SHOC2: variants seen among roughly 807,000 people sequenced by gnomAD.
SHOC2 encodes the protein leucine-rich repeat protein SHOC-2.
Under a neutral mutation model 50.2 loss-of-function variants are expected in SHOC2, and 4 were observed. The ratio of observed to expected loss-of-function variants is 0.08; its 90% CI spans 0.04 to 0.18. The LOEUF (loss-of-function observed/expected upper bound fraction) is 0.18. Among genes scored for constraint, SHOC2 ranks in the 10% least tolerant of loss-of-function variants. The pLI, the probability that SHOC2 is intolerant of heterozygous loss-of-function variation, is 1.00. For synonymous variants in SHOC2, 218 were observed against 244.5 expected, an observed-to-expected ratio of 0.89 and a Z score of 1.01; for missense variants, 388 against 669.6, an observed-to-expected ratio of 0.58 and a Z score of 4.64.
At chr10:110,932,736 G>A (rs371086167) in intron 1 of SHOC2, among the ~76,000 whole-genome samples, 3 of 151,982 alleles carry the variant, frequency 2.0e-5, no homozygotes, top group East Asian at 3.9e-4. Context: ...GCACTTACTC[G>A]ACTTTTTTCT....
chr10:110,981,045 A>C (rs1847967223), intron 2 of SHOC2, among the ~76,000 whole-genome samples: 1 of 152,200 alleles, frequency 6.6e-6, no homozygotes, highest in African/African-American at 2.4e-5. Context: ...GTAGGTGCAC[A>C]GTAAGTTTTT....
At chr10:111,009,526 A>G (rs780708129) in intron 7 of SHOC2, 141 bp downstream of exon 7, 6 of 859,600 alleles carry the variant, frequency 7.0e-6, no homozygotes, top group Non-Finnish European at 1.1e-5. Flanking sequence ...TTATGTTCAT[A>G]TAACCTGGCT....
chr10:110,975,431 T>A (rs1168421290), intron 2 of SHOC2, among the ~76,000 whole-genome samples: 1 of 152,168 alleles, frequency 6.6e-6, no homozygotes, highest in Non-Finnish European at 1.5e-5. Flanking sequence ...CGTGAGCCAC[T>A]GCGCCCGGCC....
At chr10:110,959,790 A>G (rs1258877255) in intron 1 of SHOC2, among the ~76,000 whole-genome samples, 1 of 152,190 alleles carries the variant, frequency 6.6e-6, no homozygotes, top group African/African-American at 2.4e-5. Context: ...CGAAATTATT[A>G]CTGCTTTTTA....
intron 1 of SHOC2, among the ~76,000 whole-genome samples, chr10:110,944,163 C>G (rs889876617): frequency 5.3e-5 from 8 of 152,158 alleles, no homozygotes; most frequent in African/African-American, 1.9e-4. Flanking sequence ...AGTTCATAAG[C>G]TCCTTGTTCC....
intron 2 of SHOC2, among the ~76,000 whole-genome samples, chr10:110,973,266 G>A (rs1683145538): frequency 6.6e-6 from 1 of 151,976 alleles, no homozygotes; most frequent in Non-Finnish European, 1.5e-5. Context: ...TCCCTATAAA[G>A]AACAAGAGTT....
intron 2 of SHOC2, among the ~76,000 whole-genome samples, chr10:110,981,947 T>C (rs1439596998): frequency 3.5e-5 from 5 of 141,258 alleles, no homozygotes; most frequent in African/African-American, 1.3e-4. Flanking sequence ...GCTGGTGCGC[T>C]GCACCCACTA....
intron 1 of SHOC2, among the ~76,000 whole-genome samples, chr10:110,932,238 A>C (rs1199722924): frequency 6.6e-6 from 1 of 152,218 alleles, no homozygotes; most frequent in East Asian, 1.9e-4. Context: ...TTGTGGCAAA[A>C]GTATGCAGGG....
chr10:110,986,391 G>T (rs1412491661), intron 3 of SHOC2, among the ~76,000 whole-genome samples: 4 of 152,098 alleles, frequency 2.6e-5, no homozygotes, highest in Non-Finnish European at 4.4e-5. Flanking sequence ...GTGGTATAAG[G>T]ATACTATAAT....
intron 1 of SHOC2, among the ~76,000 whole-genome samples, chr10:110,931,659 A>T (rs530564008): frequency 1.3e-5 from 2 of 152,070 alleles, no homozygotes; most frequent in African/African-American, 4.8e-5. Flanking sequence ...AACCTTGTTT[A>T]TTGTTCATTT....
At chr10:110,967,704 A>G (rs1375656090) in intron 2 of SHOC2, among the ~76,000 whole-genome samples, 1 of 152,168 alleles carries the variant, frequency 6.6e-6, no homozygotes, top group Non-Finnish European at 1.5e-5. Flanking sequence ...GATGTTTCCT[A>G]TAAATAGAAT....
intron 2 of SHOC2, among the ~76,000 whole-genome samples, chr10:110,973,191 C>T (rs1035830996): frequency 2.6e-5 from 4 of 152,044 alleles, no homozygotes; most frequent in African/African-American, 9.7e-5. Context: ...TATAGTTTTA[C>T]GAATGTATTT....
intron 2 of SHOC2, among the ~76,000 whole-genome samples, chr10:110,984,908 A>T (rs544777176): frequency 1.1e-4 from 16 of 152,314 alleles, no homozygotes; most frequent in African/African-American, 3.6e-4. Flanking sequence ...CTCACAATCA[A>T]CTTGAACACC....
intron 2 of SHOC2, among the ~76,000 whole-genome samples, chr10:110,978,903 C>T (rs1847922747): frequency 6.6e-6 from 1 of 152,174 alleles, no homozygotes; most frequent in Non-Finnish European, 1.5e-5. Context: ...ATGGTAAAAG[C>T]TTTATAAAAA....
At chr10:110,940,930 T>G (rs369280587) in intron 1 of SHOC2, among the ~76,000 whole-genome samples, 80,916 of 121,844 alleles carry the variant, frequency 0.66, 27,700 homozygotes, top group Non-Finnish European at 0.7. Flanking sequence ...TTTTTTTTTT[T>G]TTTTTTTTTT....
chr10:110,956,006 A>C (rs1221779858), intron 1 of SHOC2, among the ~76,000 whole-genome samples: 2 of 152,210 alleles, frequency 1.3e-5, no homozygotes, highest in Non-Finnish European at 2.9e-5. Context: ...TATTAAATAT[A>C]TGCTTTTTAA....
At chr10:110,932,038 A>T (rs1846905377) in intron 1 of SHOC2, among the ~76,000 whole-genome samples, 1 of 152,176 alleles carries the variant, frequency 6.6e-6, no homozygotes, top group South Asian at 2.1e-4. Flanking sequence ...TAATTAGGAA[A>T]AGCCTTCCCA....
intron 2 of SHOC2, among the ~76,000 whole-genome samples, chr10:110,983,176 T>C (rs1362987981): frequency 6.6e-6 from 1 of 151,884 alleles, no homozygotes; most frequent in Admixed American, 6.6e-5. Flanking sequence ...TCAGTATTCC[T>C]TTTTTTTATT....
At chr10:110,920,868 A>G (rs1212425326) in intron 1 of SHOC2, among the ~76,000 whole-genome samples, 1 of 152,186 alleles carries the variant, frequency 6.6e-6, no homozygotes, top group Non-Finnish European at 1.5e-5. Flanking sequence ...CTAGGCTTAC[A>G]CCTGTGCCAT....
Sources: gnomAD v4.1 joint callset for allele counts (sites outside exome capture counted in the v4.1 genomes callset) on GRCh38, gnomAD v4.1.1 for gene constraint, MANE v1.5 for transcripts, NCBI Gene and HGNC (gene_info 2026-07-23, HGNC 2026-07-21) for gene names.